SNURF: variants seen among roughly 807,000 people sequenced by gnomAD.
The protein encoded by SNURF is SNURF protein.
A neutral mutation model predicts 11.6 loss-of-function variants in SNURF; 6 were observed. The observed-to-expected ratio is 0.52, with a 90% confidence interval of 0.28 to 1.02. The LOEUF (loss-of-function observed/expected upper bound fraction) is 1.02. Among genes scored for constraint, SNURF ranks in the 50% least tolerant of loss-of-function variants. The pLI is 0.09. For synonymous variants in SNURF, 29 were observed against 31.6 expected, an observed-to-expected ratio of 0.92 and a Z score of 0.27; for missense variants, 84 against 88.4, an observed-to-expected ratio of 0.95 and a Z score of 0.20.
At chr15:24,955,842 C>CATGG (rs2062767114) in intron 1 of SNURF, among the ~76,000 whole-genome samples, 1 of 150,698 alleles carries the variant, frequency 6.6e-6, no homozygotes, top group Non-Finnish European at 1.5e-5. Context: ...CGGCGGTGGG[C>CATGG]ATGGCATGGA....
chr15:24,957,058 C>T (rs2063048548), intron 1 of SNURF, among the ~76,000 whole-genome samples: 1 of 152,176 alleles, frequency 6.6e-6, no homozygotes, highest in Non-Finnish European at 1.5e-5. Flanking sequence ...CGCTAATTCT[C>T]TATTTTCAAA....
chr15:24,973,367 C>T (rs1199420719), downstream of SNURF, among the ~76,000 whole-genome samples: 1 of 152,112 alleles, frequency 6.6e-6, no homozygotes, highest in Non-Finnish European at 1.5e-5. Context: ...TGCATTTCTC[C>T]TAATGTGTCC....
chr15:24,967,916 T>G lies in SNURF; in HGVS notation c.111-16T>G, dbSNP rs757270619. On this transcript the variant is annotated splice_polypyrimidine_tract_variant and intron_variant, in intron 2 of 2. Transcript: ENST00000577949. ...ATGTATTTTTATCATTTATATATAT[T>G]GTGCTCTTGTTGTAGGTGTCAGTTG... is the stretch of plus-strand genomic sequence containing the variant. The G allele has an allele frequency of 5.0e-6, 8 of 1,604,790 alleles. No individual in the cohort carries two copies. In the Admixed American group the frequency reaches 1.2e-4, roughly 23 times the overall value.
chr15:24,959,728 G>C (rs995127431), intron 1 of SNURF, among the ~76,000 whole-genome samples: 2 of 152,078 alleles, frequency 1.3e-5, no homozygotes, highest in Non-Finnish European at 2.9e-5. Context: ...TCCTTTTTAT[G>C]GCTGAAAGAC....
At chr15:24,977,162 A>G (rs1190597997) in intron 6 of SNURF, 1 of 611,986 alleles carries the variant, frequency 1.6e-6, no homozygotes, top group African/African-American at 1.9e-5. Flanking sequence ...CAAAACACAG[A>G]TATATGGGAG....
chr15:24,957,600 TC>T (rs2063138574), intron 1 of SNURF, among the ~76,000 whole-genome samples: 1 of 152,222 alleles, frequency 6.6e-6, no homozygotes, highest in South Asian at 2.1e-4. Context: ...AACTGGTATG[TC>T]TGGTTGCACT....
downstream of SNURF, among the ~76,000 whole-genome samples, chr15:24,973,273 C>G (rs990312813): frequency 1.3e-5 from 2 of 152,144 alleles, no homozygotes; most frequent in African/African-American, 4.8e-5. Flanking sequence ...TAGGATCTAC[C>G]ATATTGCCTA....
At chr15:24,961,522 G>T (rs1028830183) in intron 1 of SNURF, among the ~76,000 whole-genome samples, 4 of 152,064 alleles carry the variant, frequency 2.6e-5, no homozygotes, top group African/African-American at 9.7e-5. Flanking sequence ...TTTTATGAGG[G>T]GTTCTGCAGA....
In SNURF at chr15:24,962,097, T is replaced by A; in HGVS notation, c.15-17T>A. Reference sequence around the variant, plus strand: ...TGATGCAGTCTACCAAACAAATGCCTCTCTTTTCTGTTTCAGGGATCGCTT... The same window carrying A: ...TGATGCAGTCTACCAAACAAATGCCACTCTTTTCTGTTTCAGGGATCGCTT... On this transcript the variant is annotated splice_polypyrimidine_tract_variant and intron_variant, in intron 1 of 2. Transcript: ENST00000577949. 2 of 1,608,794 alleles carry A rather than the reference T, an allele frequency of 1.2e-6. No individual in the cohort carries two copies. The highest frequency in any genetic ancestry group is 1.7e-6 in the Non-Finnish European group (2 of 1,175,154).
At chr15:24,956,213 TC>T (rs1459358416) in intron 1 of SNURF, among the ~76,000 whole-genome samples, 1 of 152,176 alleles carries the variant, frequency 6.6e-6, no homozygotes, top group Non-Finnish European at 1.5e-5. Flanking sequence ...TACTTTTTTT[TC>T]ATTGTTTCTC....
chr15:24,974,862 C>G lies in SNURF; in HGVS notation c.*46-496C>G, dbSNP rs2076885360. The G allele has an allele frequency of 2.1e-5, 15 of 698,836 alleles. No individual in the cohort carries two copies. In the Admixed American group the frequency reaches 3.0e-4, roughly 14 times the overall value. 43.3% of individuals were successfully genotyped at this position (698,836 alleles called of 1,614,324 possible). A position where few individuals can be genotyped will look rare whatever the true frequency, so the allele number is the denominator to read the frequency against. ...GCATGAGATGAGCCACTGTGCCTGG[C>G]CATGAGAAATGTTTCATGATGTGAG... is the stretch of plus-strand genomic sequence containing the variant. On this transcript the variant is annotated intron_variant and NMD_transcript_variant, in intron 3 of 6. Transcript: ENST00000580062.
downstream of SNURF, chr15:24,978,520 T>G (rs1409731362): frequency 1.5e-6 from 2 of 1,299,414 alleles, no homozygotes; most frequent in Non-Finnish European, 2.2e-6. Flanking sequence ...TTTGTGAGCT[T>G]TTTGTTCCCT....
downstream of SNURF, among the ~76,000 whole-genome samples, chr15:24,969,507 C>T (rs1247554109): frequency 3.9e-5 from 6 of 152,186 alleles, no homozygotes; most frequent in Non-Finnish European, 8.8e-5. Flanking sequence ...ACAACATTTT[C>T]TAGCAATTGC....
At chr15:24,966,158 G>T (rs2075595320) in intron 2 of SNURF, among the ~76,000 whole-genome samples, 1 of 152,088 alleles carries the variant, frequency 6.6e-6, no homozygotes, top group African/African-American at 2.4e-5. Context: ...CTCCAGGGTT[G>T]GCAGGGCACC....
chr15:24,978,486 C>T (rs762643841), downstream of SNURF: 12 of 1,568,410 alleles, frequency 7.7e-6, no homozygotes, highest in East Asian at 1.1e-4. Context: ...CCCTGCAATG[C>T]GTCTTGTGAA....
At chr15:24,976,916 G>A in exon 6 of SNURF, 1 of 1,607,702 alleles carries the variant, frequency 6.2e-7, no homozygotes, top group Non-Finnish European at 8.5e-7. Flanking sequence ...AGCTGCTGGA[G>A]GCCCTGGGGT....
intron 1 of SNURF, among the ~76,000 whole-genome samples, chr15:24,959,030 T>C (rs2074348326): frequency 6.6e-6 from 1 of 152,220 alleles, no homozygotes; most frequent in Non-Finnish European, 1.5e-5. Context: ...CTTTGTTTAT[T>C]TTTATTCTTG....
intron 2 of SNURF, among the ~76,000 whole-genome samples, chr15:24,965,256 G>T (rs1021503009): frequency 6.6e-6 from 1 of 152,314 alleles, no homozygotes; most frequent in South Asian, 2.1e-4. Flanking sequence ...CAATGAAGGA[G>T]GCTGGGTGCG....
intron 2 of SNURF, among the ~76,000 whole-genome samples, chr15:24,962,670 G>A (rs2075019128): frequency 6.6e-6 from 1 of 152,032 alleles, no homozygotes; most frequent in African/African-American, 2.4e-5. Context: ...GTATATATAT[G>A]TGGAATGTAT....
Sources: gnomAD v4.1 joint callset for allele counts (sites outside exome capture counted in the v4.1 genomes callset) on GRCh38, gnomAD v4.1.1 for gene constraint, MANE v1.5 for transcripts, NCBI Gene and HGNC (gene_info 2026-07-23, HGNC 2026-07-21) for gene names.